The following PRKCA variants were observed in gnomAD, a reference collection of about 807,000 sequenced individuals.
PRKCA encodes the protein protein kinase C alpha type.
Under a neutral mutation model 87.0 loss-of-function variants are expected in PRKCA, and 27 were observed. That is an observed-to-expected ratio of 0.31 (90% CI 0.23 to 0.43). PRKCA has a LOEUF of 0.43. Among genes scored for constraint, PRKCA ranks in the 20% least tolerant of loss-of-function variants. The pLI is 1.00. For synonymous variants in PRKCA, 329 were observed against 311.1 expected, an observed-to-expected ratio of 1.06 and a Z score of -0.61; for missense variants, 518 against 852.3, an observed-to-expected ratio of 0.61 and a Z score of 4.88.
chr17:66,496,348 C>A (rs1186512682), intron 3 of PRKCA, 65 bp downstream of exon 3: 18 of 1,366,952 alleles, frequency 1.3e-5, no homozygotes, highest in Non-Finnish European at 1.7e-5. Context: ...TTTTTTAACG[C>A]CTGTGCAACT....
chr17:66,583,231 ATAT>A (rs1171438559), intron 3 of PRKCA, among the ~76,000 whole-genome samples: 1 of 152,190 alleles, frequency 6.6e-6, no homozygotes. Context: ...GAGAAGTTAC[ATAT>A]TAAGTGACAG....
chr17:66,433,918 T>A (rs74959373), intron 2 of PRKCA, among the ~76,000 whole-genome samples: 1,740 of 152,106 alleles, frequency 0.011, 32 homozygotes, highest in African/African-American at 0.039. Context: ...GTTAACTGAG[T>A]TTCCCTGAGG....
At chr17:66,336,659 G>A (rs1567777777) in intron 2 of PRKCA, among the ~76,000 whole-genome samples, 1 of 131,568 alleles carries the variant, frequency 7.6e-6, no homozygotes, top group African/African-American at 4.1e-5. Flanking sequence ...TTAAACATTT[G>A]CCTATATAGT....
chr17:66,466,294 A>T (rs914085530), intron 2 of PRKCA, among the ~76,000 whole-genome samples: 1 of 152,176 alleles, frequency 6.6e-6, no homozygotes, highest in African/African-American at 2.4e-5. Flanking sequence ...GAAGCATCTA[A>T]TGGGAACTGA....
intron 5 of PRKCA, among the ~76,000 whole-genome samples, chr17:66,685,262 C>T (rs6504447): frequency 0.016 from 2,421 of 152,078 alleles, 67 homozygotes; most frequent in African/African-American, 0.055. Flanking sequence ...GAATTATGTC[C>T]GTCTTCATTT....
At chr17:66,700,222 G>C (rs560759716) in intron 8 of PRKCA, among the ~76,000 whole-genome samples, 1 of 152,272 alleles carries the variant, frequency 6.6e-6, no homozygotes, top group African/African-American at 2.4e-5. Context: ...TATTTTAATA[G>C]ATGCAGAAAA....
At chr17:66,545,154 C>T (rs542250955) in intron 3 of PRKCA, among the ~76,000 whole-genome samples, 9 of 152,114 alleles carry the variant, frequency 5.9e-5, no homozygotes, top group East Asian at 3.9e-4. Flanking sequence ...TTAGGCTGGG[C>T]GCAGTGAATC....
At chr17:66,763,481 G>A (rs1350347547) in intron 13 of PRKCA, among the ~76,000 whole-genome samples, 2 of 152,176 alleles carry the variant, frequency 1.3e-5, no homozygotes, top group East Asian at 1.9e-4. Flanking sequence ...GTTTGGACGC[G>A]TCAGACAGTG....
intron 14 of PRKCA, among the ~76,000 whole-genome samples, chr17:66,785,686 G>T (rs906260707): frequency 1.3e-5 from 2 of 152,294 alleles, no homozygotes; most frequent in South Asian, 4.1e-4. Context: ...CTCCTAGAAG[G>T]TGCTCAAGGC....
intron 3 of PRKCA, among the ~76,000 whole-genome samples, chr17:66,500,720 G>T (rs1916688476): frequency 6.6e-6 from 1 of 152,126 alleles, no homozygotes; most frequent in African/African-American, 2.4e-5. Context: ...CTATTCCTTG[G>T]TGCATTTGTT....
chr17:66,576,239 C>A (rs1458866502), intron 3 of PRKCA, among the ~76,000 whole-genome samples: 1 of 152,178 alleles, frequency 6.6e-6, no homozygotes, highest in Non-Finnish European at 1.5e-5. Flanking sequence ...GTAAGGATAC[C>A]AAATTTCATG....
chr17:66,713,252 A>G (rs9900793), intron 8 of PRKCA, among the ~76,000 whole-genome samples: 46,332 of 151,760 alleles, frequency 0.31, 7,656 homozygotes, highest in Non-Finnish European at 0.37. Context: ...GGGTTTCACC[A>G]TATTCACCAG....
chr17:66,517,521 G>A (rs889086937), intron 3 of PRKCA, among the ~76,000 whole-genome samples: 1 of 152,130 alleles, frequency 6.6e-6, no homozygotes, highest in African/African-American at 2.4e-5. Flanking sequence ...TGTCCTCAGT[G>A]CTTACACAGA....
At chr17:66,645,569 C>A (rs1971429511) in intron 5 of PRKCA, 58 bp downstream of exon 5, 1 of 1,605,394 alleles carries the variant, frequency 6.2e-7, no homozygotes, top group African/African-American at 1.3e-5. Context: ...GAAGGTTACA[C>A]TGATATTAAG....
chr17:66,352,842 A>T (rs1338904530), intron 2 of PRKCA, among the ~76,000 whole-genome samples: 1 of 152,040 alleles, frequency 6.6e-6, no homozygotes, highest in Admixed American at 6.5e-5. Flanking sequence ...GATTACAGGA[A>T]TGAGCCACCG....
intron 3 of PRKCA, chr17:66,638,485 T>TA (rs1971204558): frequency 6.6e-6 from 1 of 152,212 alleles, no homozygotes; most frequent in Non-Finnish European, 1.5e-5. Context: ...TGCTCATTTT[T>TA]ATAAGTTCTG....
At chr17:66,659,286 C>T (rs1362074794) in intron 5 of PRKCA, among the ~76,000 whole-genome samples, 1 of 152,168 alleles carries the variant, frequency 6.6e-6, no homozygotes, top group African/African-American at 2.4e-5. Context: ...CAAGTTGGAA[C>T]ATCACATCTT....
At chr17:66,356,275 T>C (rs1464561254) in intron 2 of PRKCA, among the ~76,000 whole-genome samples, 1 of 152,148 alleles carries the variant, frequency 6.6e-6, no homozygotes, top group Non-Finnish European at 1.5e-5. Context: ...AAGACTTTTT[T>C]CTTTTCATTT....
intron 14 of PRKCA, among the ~76,000 whole-genome samples, chr17:66,781,259 A>G (rs1344892786): frequency 6.6e-6 from 1 of 152,266 alleles, no homozygotes; most frequent in East Asian, 1.9e-4. Flanking sequence ...GTCAGGGAGC[A>G]ACATATGACC....
Sources: allele counts gnomAD v4.1 joint callset (sites outside exome capture counted in the v4.1 genomes callset), GRCh38; gene constraint gnomAD v4.1.1; transcripts MANE v1.5; gene names NCBI Gene and HGNC (gene_info 2026-07-23, HGNC 2026-07-21).